The following GTPBP3 variants were observed in gnomAD, a reference collection of about 807,000 sequenced individuals.
The protein encoded by GTPBP3 is GTP binding protein 3, mitochondrial.
In GTPBP3, 35 loss-of-function variants were observed where a neutral mutation model predicts 42.0. That is an observed-to-expected ratio of 0.83 (90% CI 0.64 to 1.10). GTPBP3 has a LOEUF of 1.10. Among genes scored for constraint, GTPBP3 ranks in the 50% least tolerant of loss-of-function variants. The pLI is 0.00. For missense variants in GTPBP3, 691 were observed against 685.2 expected (o/e 1.01, Z -0.09); for synonymous variants, 332 against 314.9 (o/e 1.05, Z -0.58).
At chr19:17,340,583 A>G (rs1212660644) in intron 7 of GTPBP3, among the ~76,000 whole-genome samples, 1 of 122,032 alleles carries the variant, frequency 8.2e-6, no homozygotes, top group Non-Finnish European at 1.7e-5. Flanking sequence ...CTGCCCCGCC[A>G]CTCATGGTCG....
In GTPBP3 at chr19:17,341,670, C is replaced by T. The variant is rs767902479; in HGVS notation, c.1446C>T (p.Asp482=). The T allele has an allele frequency of 2.1e-5, 33 of 1,595,478 alleles. No homozygotes were observed. The highest frequency in any genetic ancestry group is 2.5e-5 in the Non-Finnish European group (29 of 1,166,878). The part of the protein sequence containing the change: ...TGGGGTEEIL[D]IIFQDFCVGK Reference sequence around the variant, plus strand: ...GAGGGGGTACCGAGGAGATCCTGGACATCATCTTCCAGGACTTCTGTGTGG... The same window carrying T: ...GAGGGGGTACCGAGGAGATCCTGGATATCATCTTCCAGGACTTCTGTGTGG... The change falls in exon 9 of 9, where the codon GAC becomes GAT. Residue 482 remains aspartate (D), a synonymous_variant. Coordinates refer to ENST00000324894, the MANE Select transcript of GTPBP3 (RefSeq NM_032620.4).
rs2074441228 is a variant in GTPBP3 at position 17,342,296 on chromosome 19, C to CTCGCTCTG, written c.*596_*603dup. The CTCGCTCTG allele has an allele frequency of 6.6e-6, 1 of 152,082 alleles. No homozygotes were observed. Among genetic ancestry groups the CTCGCTCTG allele is most frequent in the South Asian group, 2.1e-4 (1 of 4,812 alleles). 9.4% of individuals were successfully genotyped at this position (152,082 alleles called of 1,614,324 possible). A position where few individuals can be genotyped will look rare whatever the true frequency, so the allele number is the denominator to read the frequency against. On this transcript the variant is annotated 3_prime_UTR_variant, in exon 9 of 9. Coordinates refer to ENST00000324894, the MANE Select transcript of GTPBP3 (RefSeq NM_032620.4). Reference sequence around the variant, plus strand: ...TTTTTTTCTTTTTTTGAGACAGAGTCTCGCTCTGTCACCCAGGCTGGAGTT... The same window carrying CTCGCTCTG: ...TTTTTTTCTTTTTTTGAGACAGAGTCTCGCTCTGTCGCTCTGTCACCCAGGCTGGAGTT...
chr19:17,337,480 T>G, upstream of GTPBP3: 1 of 1,255,702 alleles, frequency 8.0e-7, no homozygotes, highest in Admixed American at 4.1e-5. Context: ...GCAGGACGTA[T>G]CCTAAGATAC....
intron 4 of GTPBP3, 29 bp from the exon 5 acceptor site, chr19:17,338,925 C>T: frequency 6.4e-7 from 1 of 1,570,218 alleles, no homozygotes; most frequent in Non-Finnish European, 8.7e-7. Context: ...TGGGTGCACA[C>T]ACCACCTCTG....
chr19:17,341,783 G>C lies in GTPBP3; in HGVS notation c.*80G>C, dbSNP rs2074435863. ...ATCTGGAAACAGTTTAGGCCAATTG[G>C]GATTCTCATTCGCCTGGGAAAGAAC... On this transcript the variant is annotated 3_prime_UTR_variant, in exon 9 of 9. Coordinates refer to ENST00000324894, the MANE Select transcript of GTPBP3 (RefSeq NM_032620.4). 8.1e-7 allele frequency: 1 copy of C among 1,237,664 alleles called. No individual in the cohort carries two copies. Among genetic ancestry groups the C allele is most frequent in the African/African-American group, 1.5e-5 (1 of 66,180 alleles). 76.7% of individuals were successfully genotyped at this position (1,237,664 alleles called of 1,614,324 possible). A position where few individuals can be genotyped will look rare whatever the true frequency, so the allele number is the denominator to read the frequency against.
Position 17,341,055 on chromosome 19 carries a change from C to G in GTPBP3, c.986C>G (p.Ala329Gly). 1 of 1,613,476 alleles carries G rather than the reference C, an allele frequency of 6.2e-7. No homozygotes were observed. The highest frequency in any genetic ancestry group is 1.1e-5 in the South Asian group (1 of 91,066). The change falls in exon 8 of 9, where the codon GCT (alanine) becomes GGT (glycine). Residue 329 changes from alanine (A) to glycine (G), a missense_variant. By Grantham distance (60) the Ala-to-Gly change is moderately conservative. Transcript: ENST00000324894. ...CCTTGCTCCCGCAGGCTAGAGCAGG[C>G]TGACCTCATTCTGGCCATGCTGGAT... ...VRRARERLEQADLILAMLDAS... is the reference protein window; with the variant it reads ...VRRARERLEQGDLILAMLDAS...
rs2074436324 is a variant in GTPBP3 at position 17,341,850 on chromosome 19, A to G, written c.*147A>G. ...GAAGCAACACAGCTGAGAGGTAGTG[A>G]GATCCCTGCAGGGACTCCCTGGAGA... On this transcript the variant is annotated 3_prime_UTR_variant, in exon 9 of 9. Coordinates refer to ENST00000324894, the MANE Select transcript of GTPBP3 (RefSeq NM_032620.4). The G allele has an allele frequency of 3.0e-6, 2 of 675,450 alleles. No individual in the cohort carries two copies. Among genetic ancestry groups the G allele is most frequent in the Non-Finnish European group, 4.8e-6 (2 of 415,832 alleles). 41.8% of individuals were successfully genotyped at this position (675,450 alleles called of 1,614,324 possible).
Position 17,341,483 on chromosome 19 carries a change from G to C in GTPBP3, c.1259G>C (p.Gly420Ala), listed in dbSNP as rs2074431682. Reference protein sequence around the residue: ...ALRKELAAVCGDPSTDPPLLT... With the variant: ...ALRKELAAVCADPSTDPPLLT... ...ATGTCTCTTGTCTCTTCCAGGTGTG[G>C]GGACCCGTCCACAGATCCCCCGCTG... is the stretch of plus-strand genomic sequence containing the variant. Residue 420 changes from glycine (G) to alanine (A), a missense_variant, in exon 9 of 9, where the codon GGG (glycine) becomes GCG (alanine). Gly to Ala is a moderately conservative substitution (Grantham distance 60). Transcript: ENST00000324894. The C allele has an allele frequency of 6.2e-7, 1 of 1,609,242 alleles. No individual in the cohort carries two copies. Among genetic ancestry groups the C allele is most frequent in the African/African-American group, 1.3e-5 (1 of 74,800 alleles).
intron 7 of GTPBP3, 112 bp downstream of exon 7, chr19:17,339,711 T>A: frequency 6.2e-6 from 6 of 969,822 alleles, no homozygotes; most frequent in African/African-American, 1.7e-5. Context: ...CTAAGCCCTA[T>A]CAAGCATGGA....
Sources: gnomAD v4.1 joint callset for allele counts (sites outside exome capture counted in the v4.1 genomes callset) on GRCh38, gnomAD v4.1.1 for gene constraint, MANE v1.5 for transcripts, NCBI Gene and HGNC (gene_info 2026-07-23, HGNC 2026-07-21) for gene names.